Variants in ADIPOQ observed in about 807,000 individuals in gnomAD.
The protein encoded by ADIPOQ is adiponectin, C1Q and collagen domain containing.
ADIPOQ carries 19 observed loss-of-function variants against 16.1 expected under a neutral mutation model. That is an observed-to-expected ratio of 1.18 (90% CI 0.82 to 1.73). ADIPOQ has a LOEUF of 1.73. ADIPOQ is among the 40% of genes most tolerant of loss of function. The pLI is 0.00. For missense variants in ADIPOQ, 323 were observed against 308.3 expected (o/e 1.05, Z -0.36); for synonymous variants, 124 against 125.5 (o/e 0.99, Z 0.08).
rs1579213941 is a variant in ADIPOQ, at chr3:186,858,085, C to T, written c.*3381C>T. 6.6e-6 allele frequency: 1 copy of T among 152,088 alleles called. No homozygotes were observed. The highest frequency in any genetic ancestry group is 1.5e-5 in the Non-Finnish European group (1 of 68,060). The allele number at this position is 152,088 out of a possible 1,614,324, so 9.4% of individuals were successfully genotyped here. A position where few individuals can be genotyped will look rare whatever the true frequency, so the allele number is the denominator to read the frequency against. On this transcript the variant is annotated 3_prime_UTR_variant, in exon 3 of 3. Coordinates refer to ENST00000320741, the MANE Select transcript of ADIPOQ (RefSeq NM_004797.4). The stretch of plus-strand genomic sequence containing the variant: ...ACCTCTACCATGAGCAATTCTCCTG[C>T]CTCAGCCTCCCAAGTAGCTGGAACT...
chr3:186,853,369 A>G, intron 2 of ADIPOQ, 97 bp downstream of exon 2: 1 of 1,439,034 alleles, frequency 6.9e-7, no homozygotes, highest in Non-Finnish European at 9.5e-7. Flanking sequence ...ACACAGGGAG[A>G]AAGCAAAGCT....
chr3:186,847,509 A>G (rs1180954885), intron 1 of ADIPOQ, among the ~76,000 whole-genome samples: 1 of 152,232 alleles, frequency 6.6e-6, no homozygotes, highest in African/African-American at 2.4e-5. Context: ...ATTATGGTGA[A>G]TCAGAAGGTC....
rs539578004 is a variant in ADIPOQ, at chr3:186,857,543, A to G, written c.*2839A>G. 1.3e-5 allele frequency: 2 copies of G among 152,236 alleles called. No homozygotes were observed. The highest frequency in any genetic ancestry group is 2.9e-5 in the Non-Finnish European group (2 of 68,018). 9.4% of individuals were successfully genotyped at this position (152,236 alleles called of 1,614,324 possible). A position where few individuals can be genotyped will look rare whatever the true frequency, so the allele number is the denominator to read the frequency against. On this transcript the variant is annotated 3_prime_UTR_variant, in exon 3 of 3. Coordinates refer to ENST00000320741, the MANE Select transcript of ADIPOQ (RefSeq NM_004797.4). Reference sequence around the variant, plus strand: ...TGGGCTCCTTACAGAACACGCTTTCACAGTTACCCTAAACTCTCTGGGGCA... The same window carrying G: ...TGGGCTCCTTACAGAACACGCTTTCGCAGTTACCCTAAACTCTCTGGGGCA...
chr3:186,854,224 A>C lies in ADIPOQ; in HGVS notation c.255A>C (p.Val85=), dbSNP rs781158910. 6.2e-7 allele frequency: 1 copy of C among 1,613,698 alleles called. No homozygotes were observed. Among genetic ancestry groups the C allele is most frequent in the Admixed American group, 1.7e-5 (1 of 59,988 alleles). The part of the protein sequence containing the change: ...GPKGDIGETG[V]PGAEGPRGFP... ...AGGGAGACATCGGTGAAACCGGAGT[A>C]CCCGGGGCTGAAGGTCCCCGAGGCT... The change falls in exon 3 of 3, where the codon GTA becomes GTC. Residue 85 remains valine (V), a synonymous_variant. Transcript: ENST00000320741.
rs767824555 is a variant in ADIPOQ, at chr3:186,853,243, CT to C, written c.186del (p.Gly63ValfsTer106). On this transcript the variant is annotated frameshift_variant, in exon 2 of 3. Coordinates refer to ENST00000320741, the MANE Select transcript of ADIPOQ (RefSeq NM_004797.4). LOFTEE classifies it high-confidence loss of function. ...GGCCGTGATGGCAGAGATGGCACCC[CT>C]GGTGAGAAGGGTGAGAAAGGAGATC... ...APGRDGRDGT[P>X]GEKGEKGDPG... The C allele has an allele frequency of 4.3e-6, 7 of 1,611,188 alleles. No homozygotes were observed. In the East Asian group the frequency reaches 1.3e-4, roughly 31 times the overall value.
intron 1 of ADIPOQ, among the ~76,000 whole-genome samples, chr3:186,851,419 C>G (rs1711762721): frequency 1.3e-5 from 2 of 152,048 alleles, no homozygotes; most frequent in Non-Finnish European, 2.9e-5. Context: ...GGCCTAAGAT[C>G]CCCCTAAGAT....
At chr3:186,844,089 G>A (rs777148233) in intron 1 of ADIPOQ, among the ~76,000 whole-genome samples, 4 of 152,184 alleles carry the variant, frequency 2.6e-5, no homozygotes, top group Admixed American at 6.5e-5. Flanking sequence ...GAATATGTCC[G>A]AAGGAGCATG....
intron 1 of ADIPOQ, 178 bp from the exon 2 acceptor site, chr3:186,852,873 G>A (rs1711829296): frequency 1.6e-6 from 1 of 635,196 alleles, no homozygotes; most frequent in Non-Finnish European, 2.8e-6. Context: ...TTTCAGGGCA[G>A]AAAGAGATCA....
chr3:186,843,617 T>C (rs1711507137), intron 1 of ADIPOQ, among the ~76,000 whole-genome samples: 1 of 147,014 alleles, frequency 6.8e-6, no homozygotes, highest in Non-Finnish European at 1.5e-5. Context: ...CCGAGATTGT[T>C]GCCACTGCAT....
At position 186,855,074 on chromosome 3, in the gene ADIPOQ, A is replaced by C; in HGVS notation, c.*370A>C. ...GAGTTAAGTGAATGTCTAAGGTCAC[A>C]CAGTATTAAGTGACAGTGCTAGAAA... On this transcript the variant is annotated 3_prime_UTR_variant, in exon 3 of 3. Coordinates refer to ENST00000320741, the MANE Select transcript of ADIPOQ (RefSeq NM_004797.4). 1 of 296,810 alleles carries C rather than the reference A, an allele frequency of 3.4e-6. No homozygotes were observed. Among genetic ancestry groups the C allele is most frequent in the Non-Finnish European group, 6.5e-6 (1 of 154,644 alleles). The allele number at this position is 296,810 out of a possible 1,614,324, so 18.4% of individuals were successfully genotyped here.
chr3:186,852,072 A>T (rs1711791407), intron 1 of ADIPOQ: 1 of 152,494 alleles, frequency 6.6e-6, no homozygotes, highest in Non-Finnish European at 1.5e-5. Context: ...AGTGCTACAC[A>T]CTTTCAACCA....
Position 186,858,143 on chromosome 3 carries a change from T to A in ADIPOQ, c.*3439T>A, listed in dbSNP as rs1391786433. ...CATGCCACTGCGCCCAGCTAATTTT[T>A]GTATTTTTCGTAGAGACGGGGTTTC... On this transcript the variant is annotated 3_prime_UTR_variant, in exon 3 of 3. Coordinates refer to ENST00000320741, the MANE Select transcript of ADIPOQ (RefSeq NM_004797.4). 1 of 152,182 alleles carries A rather than the reference T, an allele frequency of 6.6e-6. No homozygotes were observed. The highest frequency in any genetic ancestry group is 2.4e-5 in the African/African-American group (1 of 41,456). 9.4% of individuals were successfully genotyped at this position (152,182 alleles called of 1,614,324 possible).
intron 1 of ADIPOQ, among the ~76,000 whole-genome samples, chr3:186,850,831 T>C (rs1711726940): frequency 6.6e-6 from 1 of 152,046 alleles, no homozygotes; most frequent in Non-Finnish European, 1.5e-5. Flanking sequence ...AGAGACATTC[T>C]TGGAGTTGAG....
At position 186,856,208 on chromosome 3, in the gene ADIPOQ, T is replaced by C. The variant is rs950241189; in HGVS notation, c.*1504T>C. ...AAGACTGGGCCTCCTGAATTTATTA[T>C]TGTTCTTTAAGAATTACAGGTTGAG... On this transcript the variant is annotated 3_prime_UTR_variant, in exon 3 of 3. Transcript: ENST00000320741. 1.3e-5 allele frequency: 2 copies of C among 152,208 alleles called. No individual in the cohort carries two copies. Among genetic ancestry groups the C allele is most frequent in the African/African-American group, 2.4e-5 (1 of 41,452 alleles). The allele number at this position is 152,208 out of a possible 1,614,324, so 9.4% of individuals were successfully genotyped here.
At position 186,854,316 on chromosome 3, in the gene ADIPOQ, G is replaced by A. The variant is rs746715860; in HGVS notation, c.347G>A (p.Ser116Asn). 9 of 1,614,234 alleles carry A rather than the reference G, an allele frequency of 5.6e-6. No homozygotes were observed. The highest frequency in any genetic ancestry group is 3.3e-5 in the South Asian group (3 of 91,086). ...GCCTATGTATACCGCTCAGCATTCA[G>A]TGTGGGATTGGAGACTTACGTTACT... ...EGAYVYRSAFSVGLETYVTIP... is the reference protein window; with the variant it reads ...EGAYVYRSAFNVGLETYVTIP... Residue 116 changes from serine to asparagine, a missense_variant, in exon 3 of 3, where the codon AGT (serine) becomes AAT (asparagine). Transcript: ENST00000320741.
rs578173940 is a variant in ADIPOQ, at chr3:186,853,801, G to T, written c.215-383G>T. 1.2e-4 allele frequency: 28 copies of T among 234,130 alleles called. 1 individual carries two copies. Among genetic ancestry groups the T allele is most frequent in the African/African-American group, 6.1e-4 (27 of 43,954 alleles). The allele number at this position is 234,130 out of a possible 1,614,324, so 14.5% of individuals were successfully genotyped here. A position where few individuals can be genotyped will look rare whatever the true frequency, so the allele number is the denominator to read the frequency against. On this transcript the variant is annotated intron_variant, in intron 2 of 2. Transcript: ENST00000320741. ...ACCGTGGACCTGATGAAGAATGAAG[G>T]CTTCAAGGAGGAGGCAGAGCTTCAG...
At chr3:186,846,257 T>TG (rs1711575146) in intron 1 of ADIPOQ, among the ~76,000 whole-genome samples, 1 of 151,530 alleles carries the variant, frequency 6.6e-6, no homozygotes, top group East Asian at 1.9e-4. Flanking sequence ...TATACTTTTT[T>TG]TTTTTTGAGA....
At chr3:186,849,421 C>T (rs1158917948) in intron 1 of ADIPOQ, among the ~76,000 whole-genome samples, 1 of 152,192 alleles carries the variant, frequency 6.6e-6, no homozygotes, top group Non-Finnish European at 1.5e-5. Flanking sequence ...AGGGGCTTTG[C>T]TGGTCTCCCC....
In ADIPOQ at chr3:186,855,279, T is replaced by C. The variant is rs1321634998; in HGVS notation, c.*575T>C. ...TTCCTCAGAGAAAGTGGTTCTATGA[T>C]GACGTCCTGTCTTGGAAGGACTACT... On this transcript the variant is annotated 3_prime_UTR_variant, in exon 3 of 3. Coordinates refer to ENST00000320741, the MANE Select transcript of ADIPOQ (RefSeq NM_004797.4). 3 of 169,532 alleles carry C rather than the reference T, an allele frequency of 1.8e-5. No individual in the cohort carries two copies. Among genetic ancestry groups the C allele is most frequent in the African/African-American group, 7.2e-5 (3 of 41,558 alleles). The allele number at this position is 169,532 out of a possible 1,614,324, so 10.5% of individuals were successfully genotyped here. A position where few individuals can be genotyped will look rare whatever the true frequency, so the allele number is the denominator to read the frequency against.
Sources: gnomAD v4.1 joint callset for allele counts (sites outside exome capture counted in the v4.1 genomes callset) on GRCh38, gnomAD v4.1.1 for gene constraint, MANE v1.5 for transcripts, NCBI Gene and HGNC (gene_info 2026-07-23, HGNC 2026-07-21) for gene names.